The following CADM2 variants were observed in gnomAD, a reference collection of about 807,000 sequenced individuals.
CADM2 encodes immunoglobulin superfamily member 4D.
A neutral mutation model predicts 49.8 loss-of-function variants in CADM2; 12 were observed. That is an observed-to-expected ratio of 0.24 (90% confidence interval 0.15 to 0.39). The LOEUF (loss-of-function observed/expected upper bound fraction) is 0.39, where lower values mean the gene tolerates loss of function less well. Among genes scored for constraint, CADM2 ranks in the 10% least tolerant of loss-of-function variants. The pLI is 1.00. For synonymous variants in CADM2, 214 were observed against 175.4 expected, an observed-to-expected ratio of 1.22 and a Z score of -1.74; for missense variants, 378 against 492.3, an observed-to-expected ratio of 0.77 and a Z score of 2.20.
At chr3:85,158,926 G>C (rs1291697543) in intron 1 of CADM2, among the ~76,000 whole-genome samples, 1 of 152,032 alleles carries the variant, frequency 6.6e-6, no homozygotes, top group Non-Finnish European at 1.5e-5. Flanking sequence ...GTGTGTGTGA[G>C]AGAGAAAGAT....
At chr3:85,809,655 T>TCTCC (rs2072691804) in intron 3 of CADM2, among the ~76,000 whole-genome samples, 1 of 142,188 alleles carries the variant, frequency 7.0e-6, no homozygotes, top group African/African-American at 2.6e-5. Flanking sequence ...TGAAACATTT[T>TCTCC]CTCCCTTCCT....
intron 2 of CADM2, among the ~76,000 whole-genome samples, chr3:85,754,787 T>G (rs1449231546): frequency 6.6e-6 from 1 of 152,154 alleles, no homozygotes; most frequent in African/African-American, 2.4e-5. Context: ...CTGTCTCAAT[T>G]TTTTTAAAAA....
intron 1 of CADM2, among the ~76,000 whole-genome samples, chr3:85,574,679 G>C (rs748149947): frequency 4.6e-5 from 7 of 152,142 alleles, no homozygotes; most frequent in African/African-American, 1.7e-4. Context: ...TCTGTAAAAT[G>C]TACAATAGAA....
At chr3:85,812,782 G>A (rs1395839992) in intron 3 of CADM2, among the ~76,000 whole-genome samples, 1 of 152,052 alleles carries the variant, frequency 6.6e-6, no homozygotes, top group Non-Finnish European at 1.5e-5. Flanking sequence ...TACCACTTAT[G>A]AGTGAGAACA....
chr3:85,786,735 G>A (rs1466146044), intron 2 of CADM2, among the ~76,000 whole-genome samples: 1 of 151,970 alleles, frequency 6.6e-6, no homozygotes, highest in African/African-American at 2.4e-5. Flanking sequence ...TCTTATGTCT[G>A]TCAGAGAATG....
At chr3:85,906,952 A>G (rs763902296) in intron 5 of CADM2, among the ~76,000 whole-genome samples, 40 of 152,212 alleles carry the variant, frequency 2.6e-4, no homozygotes, top group Non-Finnish European at 4.4e-4. Flanking sequence ...AATTAGCCAG[A>G]CATAGTTACT....
At chr3:85,665,291 G>T (rs755941433) in intron 1 of CADM2, among the ~76,000 whole-genome samples, 10 of 151,770 alleles carry the variant, frequency 6.6e-5, no homozygotes, top group Admixed American at 3.3e-4. Context: ...TATGTAAGAC[G>T]AATTTAATTA....
chr3:85,246,736 CTG>C (rs1430722747), intron 1 of CADM2, among the ~76,000 whole-genome samples: 2 of 151,728 alleles, frequency 1.3e-5, no homozygotes, highest in Non-Finnish European at 2.9e-5. Context: ...TTAGAATAAA[CTG>C]TGAAGAACAT....
chr3:85,772,752 ATCTCTATT>A (rs747802953), intron 2 of CADM2, among the ~76,000 whole-genome samples: 7 of 151,778 alleles, frequency 4.6e-5, no homozygotes, highest in Non-Finnish European at 2.9e-5. Flanking sequence ...AGAAGCATCT[ATCTCTATT>A]TAACTCCCAT....
intron 2 of CADM2, among the ~76,000 whole-genome samples, chr3:85,760,012 T>C (rs188570298): frequency 2.0e-5 from 3 of 152,280 alleles, no homozygotes; most frequent in Admixed American, 2.0e-4. Context: ...CCTCCAGTAC[T>C]TCTTTTCTTA....
intron 6 of CADM2, among the ~76,000 whole-genome samples, chr3:85,925,059 A>G (rs1719649169): frequency 6.6e-6 from 1 of 152,010 alleles, no homozygotes; most frequent in Non-Finnish European, 1.5e-5. Flanking sequence ...CCTCTAGAAA[A>G]TTTCTACCAG....
intron 2 of CADM2, among the ~76,000 whole-genome samples, chr3:85,745,117 G>C (rs947269760): frequency 2.0e-5 from 3 of 152,130 alleles, no homozygotes; most frequent in African/African-American, 7.2e-5. Flanking sequence ...AAAGAGTCAA[G>C]GGTGTCTCTA....
At chr3:84,974,521 G>T (rs1478887117) in intron 1 of CADM2, among the ~76,000 whole-genome samples, 1 of 151,844 alleles carries the variant, frequency 6.6e-6, no homozygotes, top group Non-Finnish European at 1.5e-5. Flanking sequence ...ATACATGTTT[G>T]GAAACTTTTA....
At chr3:85,362,572 C>A (rs1407475782) in intron 1 of CADM2, among the ~76,000 whole-genome samples, 2 of 152,140 alleles carry the variant, frequency 1.3e-5, no homozygotes, top group Non-Finnish European at 2.9e-5. Flanking sequence ...TTTCAAAAAC[C>A]TAATGAAAGA....
At chr3:85,092,367 A>T (rs1356906072) in intron 1 of CADM2, among the ~76,000 whole-genome samples, 1 of 152,200 alleles carries the variant, frequency 6.6e-6, no homozygotes, top group African/African-American at 2.4e-5. Flanking sequence ...ATAAAATTTA[A>T]GTCATAATCA....
intron 1 of CADM2, among the ~76,000 whole-genome samples, chr3:85,439,175 C>T (rs1821351): frequency 0.59 from 84,447 of 143,322 alleles, 24,900 homozygotes; most frequent in East Asian, 0.83. Flanking sequence ...TTTTTTTTAA[C>T]GGAGTTTCAC....
At chr3:85,698,999 G>A (rs978469415) in intron 1 of CADM2, among the ~76,000 whole-genome samples, 1 of 152,176 alleles carries the variant, frequency 6.6e-6, no homozygotes, top group South Asian at 2.1e-4. Context: ...CTACAATGGG[G>A]TACAGGCATT....
rs567278718 is a variant in CADM2 at position 85,710,010 on chromosome 3, A to T, written c.62-16512A>T. Among the ~76,000 whole-genome samples the T allele has an allele frequency of 8.5e-5, 13 of 152,232 alleles. No homozygotes were observed. In the South Asian group the frequency reaches 2.5e-3, roughly 29 times the overall value. ...AGTGTGTTACCTGAGTACTCTAGCA[A>T]ATTAATCTCACAGCTCTCCGGAAAT... On this transcript the variant is annotated intron_variant, in intron 1 of 9. Coordinates refer to ENST00000383699, the MANE Select transcript of CADM2 (RefSeq NM_001167675.2).
chr3:85,102,128 G>A (rs2107546814), intron 1 of CADM2, among the ~76,000 whole-genome samples: 1 of 152,260 alleles, frequency 6.6e-6, no homozygotes, highest in South Asian at 2.1e-4. Flanking sequence ...GTGATATAAA[G>A]CTTAATCTGG....
Sources: gnomAD v4.1 joint callset for allele counts (sites outside exome capture counted in the v4.1 genomes callset) on GRCh38, gnomAD v4.1.1 for gene constraint, MANE v1.5 for transcripts, NCBI Gene and HGNC (gene_info 2026-07-23, HGNC 2026-07-21) for gene names.